GALNT13: variants seen among roughly 807,000 people sequenced by gnomAD.
GALNT13 encodes polypeptide N-acetylgalactosaminyltransferase 13.
Under a neutral mutation model 64.2 loss-of-function variants are expected in GALNT13, and 28 were observed. That is an observed-to-expected ratio of 0.44 (90% confidence interval 0.32 to 0.60). The LOEUF is 0.60. Among genes scored for constraint, GALNT13 ranks in the 20% least tolerant of loss-of-function variants. The pLI, the probability that GALNT13 is intolerant of heterozygous loss-of-function variation, is 0.05. For missense variants in GALNT13, 577 were observed against 669.8 expected (o/e 0.86, Z 1.53); for synonymous variants, 214 against 224.6 (o/e 0.95, Z 0.42).
At chr2:153,724,152 A>G in the GALNT13 span, among the ~76,000 whole-genome samples, 1 of 141,738 alleles carries the variant, frequency 7.1e-6, no homozygotes, top group Non-Finnish European at 1.5e-5. Flanking sequence ...ATAACGCCAC[A>G]TACCTACAAC....
chr2:153,669,384 A>G, the GALNT13 span, among the ~76,000 whole-genome samples: 1 of 152,088 alleles, frequency 6.6e-6, no homozygotes, highest in Non-Finnish European at 1.5e-5. Context: ...CCACATCCAC[A>G]CTGCTGTCTA....
At chr2:153,406,561 G>C in the GALNT13 span, among the ~76,000 whole-genome samples, 69 of 152,022 alleles carry the variant, frequency 4.5e-4, no homozygotes, top group African/African-American at 1.5e-3. Flanking sequence ...GAATGCACCA[G>C]CACATCAGGC....
At chr2:153,126,656 G>A in the GALNT13 span, among the ~76,000 whole-genome samples, 1 of 151,992 alleles carries the variant, frequency 6.6e-6, no homozygotes, top group Non-Finnish European at 1.5e-5. Context: ...GGCCAATCTT[G>A]TAAAGAAACC....
intron 3 of GALNT13, among the ~76,000 whole-genome samples, chr2:154,091,798 T>C (rs1429289867): frequency 2.6e-5 from 4 of 151,896 alleles, no homozygotes; most frequent in Admixed American, 6.6e-5. Context: ...TTTTCCACTA[T>C]ATTGAGGTAA....
At chr2:153,086,359 T>C in the GALNT13 span, among the ~76,000 whole-genome samples, 1 of 152,094 alleles carries the variant, frequency 6.6e-6, no homozygotes, top group African/African-American at 2.4e-5. Context: ...ATGATATGGT[T>C]TGGCTATGTC....
chr2:154,116,510 A>T (rs891042901), intron 3 of GALNT13, among the ~76,000 whole-genome samples: 1 of 152,196 alleles, frequency 6.6e-6, no homozygotes, highest in Non-Finnish European at 1.5e-5. Context: ...CCCTGAGTTC[A>T]TAATTTTCTT....
At chr2:154,246,782 T>C (rs1395796536) in intron 7 of GALNT13, among the ~76,000 whole-genome samples, 1 of 152,096 alleles carries the variant, frequency 6.6e-6, no homozygotes, top group Admixed American at 6.5e-5. Flanking sequence ...CTTTAAGTCC[T>C]CACTTAGCAT....
the GALNT13 span, among the ~76,000 whole-genome samples, chr2:153,838,081 A>C: frequency 6.6e-6 from 1 of 152,000 alleles, no homozygotes; most frequent in African/African-American, 2.4e-5. Flanking sequence ...ATCTCTATTC[A>C]GGTCCTTTGT....
rs1390199692 is a variant in GALNT13 at position 154,206,155 on chromosome 2, GC to G, written c.312-35872del. On this transcript the variant is annotated intron_variant, in intron 4 of 12. Coordinates refer to ENST00000392825, the MANE Select transcript of GALNT13 (RefSeq NM_052917.4). ...TGGGATTACAGGCGCCCGCCACCAC[GC>G]CCGGCTAATTTTTCTATTTTTTTTA... Among the ~76,000 whole-genome samples the G allele has an allele frequency of 4.0e-5, 6 of 151,394 alleles. No homozygotes were observed. The East Asian group carries it at 1.2e-3, about 30-fold the overall frequency.
At chr2:153,915,965 T>C (rs1444677) in intron 2 of GALNT13, among the ~76,000 whole-genome samples, 2,368 of 151,992 alleles carry the variant, frequency 0.016, 31 homozygotes, top group Non-Finnish European at 0.022. Context: ...CACACAACTG[T>C]TTTGTTGGTT....
At chr2:154,297,550 A>G (rs529968424) in intron 8 of GALNT13, among the ~76,000 whole-genome samples, 1 of 152,300 alleles carries the variant, frequency 6.6e-6, no homozygotes, top group East Asian at 1.9e-4. Flanking sequence ...ACAAGTCAGC[A>G]AGAACACCCT....
At chr2:154,426,637 G>T (rs900418241) in intron 11 of GALNT13, among the ~76,000 whole-genome samples, 1 of 152,158 alleles carries the variant, frequency 6.6e-6, no homozygotes, top group African/African-American at 2.4e-5. Flanking sequence ...AGCATCTGGA[G>T]CATGTTTATA....
At chr2:153,350,073 G>T in the GALNT13 span, among the ~76,000 whole-genome samples, 1 of 151,950 alleles carries the variant, frequency 6.6e-6, no homozygotes, top group African/African-American at 2.4e-5. Context: ...CCTTCCTCTC[G>T]CTTCTTTGGT....
intron 9 of GALNT13, among the ~76,000 whole-genome samples, chr2:154,317,236 G>A (rs976021459): frequency 2.0e-5 from 3 of 151,680 alleles, no homozygotes; most frequent in Middle Eastern, 3.4e-3. Flanking sequence ...GAAGAATGGT[G>A]TAGGGTTTTT....
chr2:154,360,670 T>C (rs1350713935), intron 9 of GALNT13, among the ~76,000 whole-genome samples: 1 of 152,192 alleles, frequency 6.6e-6, no homozygotes, highest in African/African-American at 2.4e-5. Flanking sequence ...AAGTCTATTG[T>C]CATAAATGTG....
the GALNT13 span, among the ~76,000 whole-genome samples, chr2:153,373,744 C>T: frequency 6.6e-6 from 1 of 152,124 alleles, no homozygotes; most frequent in Non-Finnish European, 1.5e-5. Flanking sequence ...CTCCATTTCC[C>T]TTTTCCCCTT....
At chr2:153,917,895 T>C (rs1451657424) in intron 2 of GALNT13, among the ~76,000 whole-genome samples, 1 of 3,784 alleles carries the variant, frequency 2.6e-4, no homozygotes, top group Non-Finnish European at 0.014. Flanking sequence ...ATTAGGCAGT[T>C]ATCTGTTAAT....
At chr2:154,019,605 C>CAT (rs1265471545) in intron 3 of GALNT13, among the ~76,000 whole-genome samples, 2 of 9,600 alleles carry the variant, frequency 2.1e-4, no homozygotes, top group Non-Finnish European at 2.1e-4. Flanking sequence ...TAAGACTCCA[C>CAT]ACACACACAC....
the GALNT13 span, among the ~76,000 whole-genome samples, chr2:153,523,242 A>C: frequency 2.0e-5 from 3 of 152,180 alleles, no homozygotes; most frequent in East Asian, 5.8e-4. Context: ...AGTACATCTT[A>C]AAGTCAGGCA....
Sources: allele counts gnomAD v4.1 joint callset (sites outside exome capture counted in the v4.1 genomes callset), GRCh38; gene constraint gnomAD v4.1.1; transcripts MANE v1.5; gene names NCBI Gene and HGNC (gene_info 2026-07-23, HGNC 2026-07-21).